The following TAOK3 variants were observed in gnomAD, a reference collection of about 807,000 sequenced individuals.
TAOK3 encodes serine/threonine-protein kinase TAO3.
A neutral mutation model predicts 120.4 loss-of-function variants in TAOK3; 40 were observed. The observed-to-expected ratio is 0.33, with a 90% CI of 0.26 to 0.43. The LOEUF is 0.43. Ranked by LOEUF, TAOK3 falls within the 20% of genes least tolerant of loss-of-function variation. The probability of loss-of-function intolerance (pLI) is 1.00; values close to 1 mark genes in which losing one functional copy is unlikely to be tolerated. For synonymous variants in TAOK3, 355 were observed against 387.5 expected (o/e 0.92, Z 0.99); for missense variants, 821 against 1,112.1 (o/e 0.74, Z 3.72).
intron 6 of TAOK3, 90 bp from the exon 7 acceptor site, chr12:118,238,259 A>G: frequency 1.5e-6 from 1 of 649,178 alleles, no homozygotes; most frequent in Admixed American, 2.7e-5. Context: ...TGGGTTACAT[A>G]CTTTCTCACA....
At chr12:118,290,221 C>T (rs1183884467) in intron 1 of TAOK3, among the ~76,000 whole-genome samples, 1 of 152,134 alleles carries the variant, frequency 6.6e-6, no homozygotes, top group Non-Finnish European at 1.5e-5. Context: ...CGTATGAAAT[C>T]CTCTGCGATC....
intron 13 of TAOK3, among the ~76,000 whole-genome samples, chr12:118,193,686 C>T (rs543941363): frequency 2.6e-5 from 4 of 152,278 alleles, no homozygotes; most frequent in South Asian, 2.1e-4. Context: ...TGGGCTCAAG[C>T]GATCCACCCA....
At chr12:118,355,475 G>A (rs575022899) in intron 1 of TAOK3, among the ~76,000 whole-genome samples, 3 of 152,152 alleles carry the variant, frequency 2.0e-5, no homozygotes, top group African/African-American at 4.8e-5. Flanking sequence ...TAATCATTTT[G>A]ATGAATAATT....
intron 1 of TAOK3, among the ~76,000 whole-genome samples, chr12:118,308,303 G>A (rs1247028765): frequency 6.6e-6 from 1 of 152,094 alleles, no homozygotes; most frequent in African/African-American, 2.4e-5. Flanking sequence ...ATATCATCAA[G>A]AAATAACCAT....
chr12:118,243,715 C>T (rs557530823), intron 4 of TAOK3, among the ~76,000 whole-genome samples, 199 bp from the exon 5 acceptor site: 2 of 152,240 alleles, frequency 1.3e-5, no homozygotes, highest in South Asian at 2.1e-4. Context: ...CTTGCTCTAT[C>T]GCCCAGGCTG....
At chr12:118,211,056 CCTT>C (rs1247712239) in intron 11 of TAOK3, among the ~76,000 whole-genome samples, 4 of 152,170 alleles carry the variant, frequency 2.6e-5, no homozygotes, top group Non-Finnish European at 5.9e-5. Flanking sequence ...ATTTCTTACT[CCTT>C]CTTGTAAGTT....
At chr12:118,315,021 C>T (rs897555623) in intron 1 of TAOK3, among the ~76,000 whole-genome samples, 2 of 152,020 alleles carry the variant, frequency 1.3e-5, no homozygotes, top group Non-Finnish European at 2.9e-5. Context: ...ACCTCCGCCT[C>T]CCACATACAA....
intron 1 of TAOK3, among the ~76,000 whole-genome samples, chr12:118,344,172 G>T (rs568954563): frequency 1.3e-5 from 2 of 149,434 alleles, no homozygotes; most frequent in East Asian, 1.9e-4. Context: ...TTTTCTCCCA[G>T]AGCCCCTAAT....
chr12:118,217,841 A>ACACTTTTTTTTTTTTTT (rs2039006171), intron 9 of TAOK3, among the ~76,000 whole-genome samples: 1 of 106,130 alleles, frequency 9.4e-6, no homozygotes, highest in African/African-American at 3.3e-5. Flanking sequence ...ATATATATAT[A>ACACTTTTTTTTTTTTTT]TATATATATA....
intron 19 of TAOK3, among the ~76,000 whole-genome samples, chr12:118,156,270 T>G (rs2034818252): frequency 6.6e-6 from 1 of 152,168 alleles, no homozygotes; most frequent in Non-Finnish European, 1.5e-5. Context: ...AAGTGGCCTG[T>G]TACCTGACCT....
At chr12:118,366,047 T>C (rs907924177) in intron 1 of TAOK3, among the ~76,000 whole-genome samples, 5 of 152,158 alleles carry the variant, frequency 3.3e-5, no homozygotes, top group African/African-American at 1.2e-4. Flanking sequence ...GGCGATCACC[T>C]GAGGTCAGGA....
At chr12:118,312,930 A>C (rs543392123) in intron 1 of TAOK3, among the ~76,000 whole-genome samples, 5 of 152,088 alleles carry the variant, frequency 3.3e-5, no homozygotes, top group African/African-American at 4.8e-5. Flanking sequence ...GAATTCCATC[A>C]ATCAAAAATG....
At chr12:118,190,509 T>C (rs2037376249) in intron 13 of TAOK3, 1 of 152,744 alleles carries the variant, frequency 6.5e-6, no homozygotes, top group South Asian at 2.1e-4. Context: ...GGGATCCTGC[T>C]TTCCAGTCAT....
chr12:118,211,023 C>T (rs189354043), intron 11 of TAOK3, among the ~76,000 whole-genome samples: 105 of 152,292 alleles, frequency 6.9e-4, no homozygotes, highest in African/African-American at 2.0e-3. Flanking sequence ...GGGCATGAGC[C>T]GCCACGCCCG....
intron 13 of TAOK3, among the ~76,000 whole-genome samples, chr12:118,197,474 A>G (rs1366479846): frequency 6.6e-6 from 1 of 152,134 alleles, no homozygotes; most frequent in East Asian, 1.9e-4. Context: ...GTTCTAGACC[A>G]GGGTTTTCTT....
At chr12:118,265,497 C>CA (rs1038051519) in intron 2 of TAOK3, among the ~76,000 whole-genome samples, 2 of 146,538 alleles carry the variant, frequency 1.4e-5, no homozygotes, top group African/African-American at 5.0e-5. Context: ...GAAAACAAAA[C>CA]AAAAAAAAGA....
At chr12:118,206,191 A>G (rs1261405585) in intron 11 of TAOK3, among the ~76,000 whole-genome samples, 1 of 152,230 alleles carries the variant, frequency 6.6e-6, no homozygotes, top group Non-Finnish European at 1.5e-5. Flanking sequence ...GACAAAGACA[A>G]TAAAAGCTAC....
chr12:118,322,312 C>CCA (rs1555252809), intron 1 of TAOK3, among the ~76,000 whole-genome samples: 1 of 65,872 alleles, frequency 1.5e-5, no homozygotes, highest in Admixed American at 1.8e-4. Flanking sequence ...GAGACTGTCT[C>CCA]AAAAAAAAAA....
chr12:118,314,876 C>T (rs377576082), intron 1 of TAOK3, among the ~76,000 whole-genome samples: 8 of 151,904 alleles, frequency 5.3e-5, no homozygotes, highest in African/African-American at 1.9e-4. Flanking sequence ...GTTGAAGATG[C>T]GCATGACTAT....
Sources: gnomAD v4.1 joint callset for allele counts (sites outside exome capture counted in the v4.1 genomes callset) on GRCh38, gnomAD v4.1.1 for gene constraint, MANE v1.5 for transcripts, NCBI Gene and HGNC (gene_info 2026-07-23, HGNC 2026-07-21) for gene names.